Variants in FAM20B observed in about 807,000 individuals in gnomAD.
The protein encoded by FAM20B is glycosaminoglycan xylosylkinase.
A neutral mutation model predicts 43.8 loss-of-function variants in FAM20B; 23 were observed. The observed-to-expected ratio is 0.53, with a 90% CI of 0.38 to 0.74. The LOEUF is 0.74. Among genes scored for constraint, FAM20B ranks in the 30% least tolerant of loss-of-function variants. The pLI is 0.00. For missense variants in FAM20B, 440 were observed against 510.5 expected (o/e 0.86, Z 1.33); for synonymous variants, 178 against 192.4 (o/e 0.93, Z 0.62).
chr1:179,017,772 G>A, the FAM20B span, among the ~76,000 whole-genome samples: 1 of 152,266 alleles, frequency 6.6e-6, no homozygotes, highest in East Asian at 1.9e-4. Flanking sequence ...ACACCAATTT[G>A]CTACAAGAAT....
In FAM20B at chr1:179,050,346, G is replaced by A. The variant is rs750700295; in HGVS notation, c.445G>A (p.Ala149Thr). 33 of 1,613,780 alleles carry A rather than the reference G, an allele frequency of 2.0e-5. No individual in the cohort carries two copies. The change falls in exon 3 of 8, where the codon GCA (alanine) becomes ACA (threonine). Residue 149 changes from alanine (A) to threonine (T), a missense_variant. By Grantham distance (58) the Ala-to-Thr change is moderately conservative. Coordinates refer to ENST00000263733, the MANE Select transcript of FAM20B (RefSeq NM_014864.4). The part of the protein sequence containing the change: ...AGYDRHNAEV[A>T]AFHLDRILGF... ...TTATGATAGACACAATGCAGAGGTAGCAGCCTTTCACTTGGACAGGTGCGT... is the reference window on the plus strand; with the variant it reads ...TTATGATAGACACAATGCAGAGGTAACAGCCTTTCACTTGGACAGGTGCGT...
intron 2 of FAM20B, among the ~76,000 whole-genome samples, chr1:179,049,260 C>T (rs1208000760): frequency 1.3e-5 from 2 of 152,098 alleles, no homozygotes; most frequent in African/African-American, 4.8e-5. Context: ...AGTCCAGCCC[C>T]TAATATTGTA....
chr1:179,058,817 A>G (rs376108253), intron 4 of FAM20B, among the ~76,000 whole-genome samples: 1 of 152,212 alleles, frequency 6.6e-6, no homozygotes, highest in Non-Finnish European at 1.5e-5. Context: ...TTTAAGGGCT[A>G]TTCAAGAGTT....
intron 1 of FAM20B, among the ~76,000 whole-genome samples, chr1:179,034,168 T>G (rs960162663): frequency 1.3e-4 from 20 of 152,124 alleles, no homozygotes; most frequent in African/African-American, 4.8e-4. Flanking sequence ...TAGCCAAGGG[T>G]TGGCTGGACC....
chr1:179,076,076 T>A lies in FAM20B; in HGVS notation c.*3932T>A, dbSNP rs1444543751. 6.6e-6 allele frequency: 1 copy of A among 152,240 alleles called. No homozygotes were observed. The highest frequency in any genetic ancestry group is 1.5e-5 in the Non-Finnish European group (1 of 68,040). The allele number at this position is 152,240 out of a possible 1,614,324, so 9.4% of individuals were successfully genotyped here. On this transcript the variant is annotated 3_prime_UTR_variant, in exon 8 of 8. Transcript: ENST00000263733. ...CAGAAAGAACCTTAGTGAAAGGTTC[T>A]CAGTCTCTGAGAGTGGACCCTAATT... is the stretch of plus-strand genomic sequence containing the variant.
intron 4 of FAM20B, among the ~76,000 whole-genome samples, chr1:179,055,950 T>C (rs932287409): frequency 3.9e-5 from 6 of 152,242 alleles, no homozygotes; most frequent in Non-Finnish European, 4.4e-5. Context: ...CATAACCTTG[T>C]TGTTATTGTT....
chr1:179,022,132 G>A (rs1649613758), upstream of FAM20B, among the ~76,000 whole-genome samples: 1 of 152,190 alleles, frequency 6.6e-6, no homozygotes, highest in African/African-American at 2.4e-5. Context: ...TGCAGATCTG[G>A]TGGCAAAATG....
chr1:179,031,030 T>C (rs1649989182), intron 1 of FAM20B, among the ~76,000 whole-genome samples: 1 of 152,160 alleles, frequency 6.6e-6, no homozygotes, highest in African/African-American at 2.4e-5. Flanking sequence ...GTGTGGGCTG[T>C]CAGCTTGACG....
At chr1:179,051,240 G>A (rs1233370376) in intron 3 of FAM20B, among the ~76,000 whole-genome samples, 1 of 151,766 alleles carries the variant, frequency 6.6e-6, no homozygotes, top group East Asian at 1.9e-4. Flanking sequence ...CAGCTGAACT[G>A]TCTGGTATCC....
At position 179,064,473 on chromosome 1, in the gene FAM20B, C is replaced by T. The variant is rs747158851; in HGVS notation, c.915C>T (p.Leu305=). The T allele has an allele frequency of 4.3e-6, 7 of 1,613,518 alleles. No homozygotes were observed. Among genetic ancestry groups the T allele is most frequent in the African/African-American group, 2.7e-5 (2 of 74,924 alleles). Residue 305 remains leucine (L), a synonymous_variant, in exon 6 of 8, where the codon CTC becomes CTT. Transcript: ENST00000263733. The stretch of plus-strand genomic sequence containing the variant: ...AAGATGATGAAGGCGCTAGTATGCT[C>T]ATCCTTCTTGATAATGCCAAAAGGT... The part of the protein sequence containing the change: ...SFQDDEGASM[L]ILLDNAKSFG...
At chr1:179,031,240 G>T (rs1000984236) in intron 1 of FAM20B, among the ~76,000 whole-genome samples, 1 of 152,194 alleles carries the variant, frequency 6.6e-6, no homozygotes, top group South Asian at 2.1e-4. Flanking sequence ...TGGTGGTTCT[G>T]TACTGACAGT....
chr1:179,062,320 A>T (rs573736023), intron 4 of FAM20B, among the ~76,000 whole-genome samples: 2 of 152,234 alleles, frequency 1.3e-5, no homozygotes, highest in South Asian at 2.1e-4. Context: ...TACACACAAG[A>T]TACATCTGTA....
At chr1:179,062,071 A>G (rs1651487275) in intron 4 of FAM20B, among the ~76,000 whole-genome samples, 1 of 151,956 alleles carries the variant, frequency 6.6e-6, no homozygotes, top group Admixed American at 6.6e-5. Flanking sequence ...CAGTGGCGCA[A>G]TCTCGGCTTA....
chr1:179,034,444 A>G (rs1650136362), intron 1 of FAM20B, among the ~76,000 whole-genome samples: 1 of 151,874 alleles, frequency 6.6e-6, no homozygotes, highest in African/African-American at 2.4e-5. Context: ...TGTGTTACCC[A>G]GGCTGGTCTC....
chr1:179,035,557 C>T (rs1557866752), intron 1 of FAM20B: 2 of 643,224 alleles, frequency 3.1e-6, no homozygotes. Context: ...ATGGCCTTGT[C>T]CTTAGGCACG....
chr1:179,033,830 C>T (rs928743608), intron 1 of FAM20B, among the ~76,000 whole-genome samples: 3 of 152,012 alleles, frequency 2.0e-5, no homozygotes, highest in Non-Finnish European at 2.9e-5. Context: ...GTAGCTGGGA[C>T]TACAGGCATG....
chr1:179,027,631 C>G (rs555997192), intron 1 of FAM20B, among the ~76,000 whole-genome samples: 1 of 152,332 alleles, frequency 6.6e-6, no homozygotes, highest in South Asian at 2.1e-4. Flanking sequence ...AAGTATAATT[C>G]AGACTCTCAG....
At position 179,044,155 on chromosome 1, in the gene FAM20B, A is replaced by T. The variant is rs372178379; in HGVS notation, c.308A>T (p.Tyr103Phe). ...AAAATCATTAAAGCTGATGTGGGTTATAAAGGGACACAGCTGAAAGCCTTA... is the reference window on the plus strand; with the variant it reads ...AAAATCATTAAAGCTGATGTGGGTTTTAAAGGGACACAGCTGAAAGCCTTA... ...TKKIIKADVG[Y>F]KGTQLKALLI... Residue 103 changes from tyrosine to phenylalanine, a missense_variant, in exon 2 of 8, where the codon TAT becomes TTT. Tyr to Phe is a conservative substitution (Grantham distance 22, BLOSUM62 3). Transcript: ENST00000263733. The T allele has an allele frequency of 5.0e-6, 8 of 1,614,076 alleles. No homozygotes were observed. In the African/African-American group the frequency reaches 8.0e-5, roughly 16 times the overall value.
intron 1 of FAM20B, among the ~76,000 whole-genome samples, chr1:179,037,479 C>CTTTTTTTTTTTTT (rs768903406): frequency 3.4e-5 from 3 of 88,380 alleles, no homozygotes; most frequent in African/African-American, 4.7e-5. Flanking sequence ...GTATGTCGGT[C>CTTTTTTTTTTTTT]TTTTTTTTTT....
Sources: allele counts gnomAD v4.1 joint callset (sites outside exome capture counted in the v4.1 genomes callset), GRCh38; gene constraint gnomAD v4.1.1; transcripts MANE v1.5; gene names NCBI Gene and HGNC (gene_info 2026-07-23, HGNC 2026-07-21).